PSMD14: variants seen among roughly 807,000 people sequenced by gnomAD.
The protein encoded by PSMD14 is ubiquitin C-terminal hydrolase PSMD14.
A neutral mutation model predicts 41.2 loss-of-function variants in PSMD14; 7 were observed. The ratio of observed to expected loss-of-function variants is 0.17; its 90% CI spans 0.10 to 0.32. PSMD14 has a LOEUF of 0.32. Among genes scored for constraint, PSMD14 ranks in the 10% least tolerant of loss-of-function variants. The pLI is 1.00. For synonymous variants in PSMD14, 114 were observed against 122.3 expected (o/e 0.93, Z 0.45); for missense variants, 139 against 375.6 (o/e 0.37, Z 5.21).
At chr2:161,393,815 C>A (rs192577771) in intron 9 of PSMD14, among the ~76,000 whole-genome samples, 1 of 151,608 alleles carries the variant, frequency 6.6e-6, no homozygotes, top group Non-Finnish European at 1.5e-5. Context: ...TAAGAAAAAC[C>A]GTCTTAAAAT....
intron 7 of PSMD14, among the ~76,000 whole-genome samples, chr2:161,376,788 G>C (rs531899109): frequency 1.3e-5 from 2 of 151,996 alleles, no homozygotes; most frequent in South Asian, 4.1e-4. Context: ...CTTCTTTGAG[G>C]AGAGATACCA....
At chr2:161,332,957 A>G (rs545285077) in intron 3 of PSMD14, among the ~76,000 whole-genome samples, 3 of 152,210 alleles carry the variant, frequency 2.0e-5, no homozygotes, top group Admixed American at 2.0e-4. Context: ...ATGTAAACTC[A>G]TTTTCAAATA....
At chr2:161,311,172 G>A (rs189519061) in intron 1 of PSMD14, among the ~76,000 whole-genome samples, 23 of 152,220 alleles carry the variant, frequency 1.5e-4, no homozygotes, top group Non-Finnish European at 2.1e-4. Flanking sequence ...AGCCGGGCAT[G>A]GGGGCGTGTG....
At chr2:161,367,402 A>G in intron 3 of PSMD14, 76 bp from the exon 4 acceptor site, 1 of 1,187,054 alleles carries the variant, frequency 8.4e-7, no homozygotes, top group Non-Finnish European at 1.2e-6. Flanking sequence ...TATCAAGTTT[A>G]TACCACATGT....
intron 3 of PSMD14, among the ~76,000 whole-genome samples, chr2:161,359,792 C>G (rs1683263833): frequency 6.6e-6 from 1 of 152,118 alleles, no homozygotes; most frequent in Non-Finnish European, 1.5e-5. Flanking sequence ...TAAAAGTAGA[C>G]TTGGGCATCT....
chr2:161,385,882 T>G (rs1574137966), intron 8 of PSMD14, among the ~76,000 whole-genome samples: 1 of 151,874 alleles, frequency 6.6e-6, no homozygotes, highest in East Asian at 1.9e-4. Flanking sequence ...AATAGGAGTT[T>G]CCGGTGAAGG....
intron 7 of PSMD14, chr2:161,384,940 T>C (rs529344917): frequency 1.3e-5 from 2 of 151,962 alleles, no homozygotes; most frequent in East Asian, 1.9e-4. Flanking sequence ...ATAAAGTCTT[T>C]CATAGTCACA....
intron 7 of PSMD14, among the ~76,000 whole-genome samples, chr2:161,377,341 T>C (rs563347063): frequency 6.6e-6 from 1 of 151,902 alleles, no homozygotes; most frequent in Non-Finnish European, 1.5e-5. Context: ...TTCCAAGGTA[T>C]TCTTGGAACA....
intron 10 of PSMD14, among the ~76,000 whole-genome samples, chr2:161,403,355 A>G (rs1683906986): frequency 6.6e-6 from 1 of 152,224 alleles, no homozygotes; most frequent in African/African-American, 2.4e-5. Flanking sequence ...CCATAGAGAC[A>G]GAAAACAGAT....
intron 7 of PSMD14, among the ~76,000 whole-genome samples, chr2:161,378,494 C>CT (rs760702275): frequency 8.0e-5 from 12 of 150,852 alleles, no homozygotes; most frequent in South Asian, 2.1e-4. Flanking sequence ...CAAAAGTGCT[C>CT]TTTTTTTTTG....
In PSMD14 at chr2:161,389,899, T is replaced by G. The variant is rs1170745058; in HGVS notation, c.571-1205T>G. 4.5e-5 allele frequency among the ~76,000 whole-genome samples: 5 copies of G among 110,494 alleles called. No homozygotes were observed. The South Asian group carries it at 1.7e-3, about 37-fold the overall frequency. 72.5% of individuals were successfully genotyped at this position (110,494 alleles called of 152,430 possible). ...TCTTTCTTTTTTGTTGTTTTTTTTT[T>G]TTTTTTTTTTTTTAGAGATGGGGTA... On this transcript the variant is annotated intron_variant, in intron 8 of 11. Coordinates refer to ENST00000409682, the MANE Select transcript of PSMD14 (RefSeq NM_005805.6).
At chr2:161,393,305 G>A (rs1489129811) in intron 9 of PSMD14, among the ~76,000 whole-genome samples, 1 of 152,124 alleles carries the variant, frequency 6.6e-6, no homozygotes, top group Non-Finnish European at 1.5e-5. Context: ...TCCCAAACAT[G>A]TATTTTCTAG....
At chr2:161,377,176 A>C (rs1363626527) in intron 7 of PSMD14, among the ~76,000 whole-genome samples, 1 of 151,950 alleles carries the variant, frequency 6.6e-6, no homozygotes, top group Non-Finnish European at 1.5e-5. Context: ...TTTGATCAGT[A>C]TCCCACGACT....
chr2:161,382,717 A>G (rs916499867), intron 7 of PSMD14: 6 of 151,808 alleles, frequency 4.0e-5, no homozygotes, highest in Non-Finnish European at 8.8e-5. Context: ...TTTCGTTATT[A>G]TATATTAAGG....
At chr2:161,370,884 G>C (rs1406539966) in intron 6 of PSMD14, among the ~76,000 whole-genome samples, 1 of 152,124 alleles carries the variant, frequency 6.6e-6, no homozygotes, top group African/African-American at 2.4e-5. Context: ...TGCTGAAAGG[G>C]TAAAAACTGG....
chr2:161,322,148 T>C (rs563226245), intron 3 of PSMD14, among the ~76,000 whole-genome samples: 1 of 152,304 alleles, frequency 6.6e-6, no homozygotes, highest in East Asian at 1.9e-4. Context: ...TTTGAGGCTC[T>C]GTGCCAGAAA....
At chr2:161,372,020 C>G (rs1278377629) in intron 7 of PSMD14, among the ~76,000 whole-genome samples, 2 of 149,620 alleles carry the variant, frequency 1.3e-5, no homozygotes, top group African/African-American at 2.5e-5. Flanking sequence ...TTCCTATTTC[C>G]TGCCTCATGA....
chr2:161,332,631 G>C lies in PSMD14; in HGVS notation c.48+13758G>C, dbSNP rs149382234. 2.6e-5 allele frequency among the ~76,000 whole-genome samples: 4 copies of C among 152,292 alleles called. No individual in the cohort carries two copies. The East Asian group carries it at 7.7e-4, about 29-fold the overall frequency. The stretch of plus-strand genomic sequence containing the variant: ...TTGAAAACTCTCACTTTAATGATGA[G>C]GTTTCAAGTATTACACTGCTTAATG... On this transcript the variant is annotated intron_variant, in intron 3 of 11. Transcript: ENST00000409682.
At chr2:161,344,520 A>T (rs1421278457) in intron 3 of PSMD14, among the ~76,000 whole-genome samples, 1 of 152,248 alleles carries the variant, frequency 6.6e-6, no homozygotes, top group Non-Finnish European at 1.5e-5. Flanking sequence ...TTCAGTCCAT[A>T]ATAAAAATTA....
Sources: allele counts gnomAD v4.1 joint callset (sites outside exome capture counted in the v4.1 genomes callset), GRCh38; gene constraint gnomAD v4.1.1; transcripts MANE v1.5; gene names NCBI Gene and HGNC (gene_info 2026-07-23, HGNC 2026-07-21).